The following RAB27B variants were observed in gnomAD, a reference collection of about 807,000 sequenced individuals.
RAB27B encodes RAB27B, member RAS oncogene family, also known as ras-related protein Rab-27B.
In RAB27B, 15 loss-of-function variants were observed where a neutral mutation model predicts 24.6. The observed-to-expected ratio is 0.61, with a 90% CI of 0.41 to 0.94. The LOEUF (loss-of-function observed/expected upper bound fraction) is 0.94, where lower values mean the gene tolerates loss of function less well. Among genes scored for constraint, RAB27B ranks in the 40% least tolerant of loss-of-function variants. RAB27B has a pLI of 0.00. For synonymous variants in RAB27B, 105 were observed against 92.5 expected (o/e 1.14, Z -0.78); for missense variants, 261 against 266.8 (o/e 0.98, Z 0.15).
chr18:54,783,132 A>T (rs7242662), intron 2 of RAB27B, among the ~76,000 whole-genome samples: 80,145 of 151,654 alleles, frequency 0.53, 22,264 homozygotes, highest in Middle Eastern at 0.63. Context: ...TAATTTTTTT[A>T]AAATTTTTTT....
Position 54,859,553 on chromosome 18 carries a change from GT to G in RAB27B, c.-19-18012del, listed in dbSNP as rs540264945. 9.7e-4 allele frequency among the ~76,000 whole-genome samples: 147 copies of G among 151,484 alleles called. 2 individuals are homozygous for G. Among genetic ancestry groups the G allele is most frequent in the African/African-American group, 3.5e-3 (144 of 41,276 alleles). The stretch of plus-strand genomic sequence containing the variant: ...TGTAGAATTGGGAATGGCACTCTCT[GT>G]TGTCAGAACCTTAGCAGGCTCTGAA... On this transcript the variant is annotated intron_variant, in intron 1 of 5. Coordinates refer to ENST00000262094, the MANE Select transcript of RAB27B (RefSeq NM_004163.4).
At chr18:54,817,545 T>C (rs1356216519) in intron 2 of RAB27B, among the ~76,000 whole-genome samples, 1 of 152,164 alleles carries the variant, frequency 6.6e-6, no homozygotes, top group Non-Finnish European at 1.5e-5. Context: ...GAAATCTGGA[T>C]TAGTTGGAGA....
At chr18:54,864,647 T>G (rs1347718129) in intron 1 of RAB27B, among the ~76,000 whole-genome samples, 2 of 152,166 alleles carry the variant, frequency 1.3e-5, no homozygotes, top group Non-Finnish European at 2.9e-5. Context: ...AAAAGCTTCT[T>G]TGTTGAAAGG....
intron 2 of RAB27B, among the ~76,000 whole-genome samples, chr18:54,773,594 G>A (rs1199686802): frequency 2.0e-5 from 3 of 152,066 alleles, no homozygotes; most frequent in East Asian, 1.9e-4. Flanking sequence ...AGATACACAC[G>A]AATAAGAAGG....
At chr18:54,804,246 T>TA (rs1278116594) in intron 2 of RAB27B, among the ~76,000 whole-genome samples, 2 of 152,182 alleles carry the variant, frequency 1.3e-5, no homozygotes, top group African/African-American at 4.8e-5. Flanking sequence ...TAACTGGTGG[T>TA]ATGGTTTGAC....
intron 2 of RAB27B, among the ~76,000 whole-genome samples, chr18:54,812,660 A>G (rs922118617): frequency 1.3e-5 from 2 of 151,880 alleles, no homozygotes; most frequent in African/African-American, 4.8e-5. Context: ...AACCTAGACA[A>G]TTGCTTTCAA....
chr18:54,813,766 C>G (rs1910038683), intron 2 of RAB27B, among the ~76,000 whole-genome samples: 1 of 152,080 alleles, frequency 6.6e-6, no homozygotes, highest in South Asian at 2.1e-4. Context: ...ATAAATATGT[C>G]AATTCACCTC....
chr18:54,869,268 T>G (rs531143217), intron 1 of RAB27B, among the ~76,000 whole-genome samples: 1 of 152,340 alleles, frequency 6.6e-6, no homozygotes, highest in African/African-American at 2.4e-5. Flanking sequence ...TGTAATCATT[T>G]GTAGCAGGGA....
intron 2 of RAB27B, among the ~76,000 whole-genome samples, chr18:54,738,573 A>G (rs1251746249): frequency 6.6e-6 from 1 of 152,162 alleles, no homozygotes; most frequent in Non-Finnish European, 1.5e-5. Context: ...CTGTGAGTCA[A>G]TTAAACCCCT....
chr18:54,893,824 C>T lies in RAB27B; in HGVS notation c.*4411C>T, dbSNP rs1189744046. ...AGTTAAAAGTTGTTTAAATTGTGCC[C>T]TTAAATACAGCAGAACCTGGAGAAG... On this transcript the variant is annotated 3_prime_UTR_variant, in exon 6 of 6. Transcript: ENST00000262094. 6.6e-6 allele frequency: 1 copy of T among 151,830 alleles called. No homozygotes were observed. Among genetic ancestry groups the T allele is most frequent in the African/African-American group, 2.4e-5 (1 of 41,374 alleles). 9.4% of individuals were successfully genotyped at this position (151,830 alleles called of 1,614,324 possible). A position where few individuals can be genotyped will look rare whatever the true frequency, so the allele number is the denominator to read the frequency against.
chr18:54,807,177 G>A (rs1459218293), intron 2 of RAB27B, among the ~76,000 whole-genome samples: 2 of 152,232 alleles, frequency 1.3e-5, no homozygotes, highest in Non-Finnish European at 2.9e-5. Flanking sequence ...GGGATTACAG[G>A]CATGAGCCAC....
intron 1 of RAB27B, among the ~76,000 whole-genome samples, chr18:54,848,418 A>C (rs1287460472): frequency 6.6e-6 from 1 of 152,224 alleles, no homozygotes; most frequent in Non-Finnish European, 1.5e-5. Flanking sequence ...TTTATTCATA[A>C]ATAGATGTAC....
intron 2 of RAB27B, among the ~76,000 whole-genome samples, chr18:54,779,127 C>T (rs977037245): frequency 2.2e-4 from 34 of 152,246 alleles, no homozygotes; most frequent in African/African-American, 5.1e-4. Context: ...CATGAGCCAC[C>T]GTACCTGGCG....
At chr18:54,740,438 A>G (rs987181217) in intron 2 of RAB27B, among the ~76,000 whole-genome samples, 2 of 152,186 alleles carry the variant, frequency 1.3e-5, no homozygotes, top group East Asian at 1.9e-4. Flanking sequence ...TCCAGAACCT[A>G]TTTTTATTAA....
rs932506028 is a variant in RAB27B, at chr18:54,895,129, T to C, written c.*5716T>C. On this transcript the variant is annotated 3_prime_UTR_variant, in exon 6 of 6. Transcript: ENST00000262094. ...AAATAAATTATCCTGCTTTAGTTAG[T>C]GTGTTAAAAGTAGACGATGTTCTAA... The C allele has an allele frequency of 6.6e-6, 1 of 151,722 alleles. No individual in the cohort carries two copies. Among genetic ancestry groups the C allele is most frequent in the East Asian group, 1.9e-4 (1 of 5,188 alleles). 9.4% of individuals were successfully genotyped at this position (151,722 alleles called of 1,614,324 possible). A position where few individuals can be genotyped will look rare whatever the true frequency, so the allele number is the denominator to read the frequency against.
At chr18:54,804,864 T>C (rs1263971307) in intron 2 of RAB27B, among the ~76,000 whole-genome samples, 16 of 1,592 alleles carry the variant, frequency 0.01, 1 homozygote, top group Middle Eastern at 0.5. Context: ...TTCCTTCCTT[T>C]CTTTTTTTCT....
At chr18:54,865,675 A>T (rs1246291059) in intron 1 of RAB27B, among the ~76,000 whole-genome samples, 2 of 152,212 alleles carry the variant, frequency 1.3e-5, no homozygotes, top group East Asian at 3.8e-4. Context: ...TAGCATCCAC[A>T]CGTCTTCTTT....
At chr18:54,849,783 A>G (rs1034765478) in intron 1 of RAB27B, among the ~76,000 whole-genome samples, 4 of 152,202 alleles carry the variant, frequency 2.6e-5, no homozygotes, top group African/African-American at 9.6e-5. Flanking sequence ...ATGATAAAAT[A>G]GACTTTAGAA....
intron 1 of RAB27B, among the ~76,000 whole-genome samples, chr18:54,873,015 T>C (rs958367847): frequency 6.6e-5 from 10 of 152,174 alleles, no homozygotes; most frequent in Admixed American, 5.2e-4. Flanking sequence ...GCAACTTCAT[T>C]TGAGATATTC....
Sources: gnomAD v4.1 joint callset for allele counts (sites outside exome capture counted in the v4.1 genomes callset) on GRCh38, gnomAD v4.1.1 for gene constraint, MANE v1.5 for transcripts, NCBI Gene and HGNC (gene_info 2026-07-23, HGNC 2026-07-21) for gene names.